Variants in MEGF10 observed in about 807,000 individuals in gnomAD.
MEGF10 encodes multiple epidermal growth factor-like domains protein 10.
MEGF10 carries 86 observed loss-of-function variants against 147.5 expected under a neutral mutation model. That is an observed-to-expected ratio of 0.58 (90% CI 0.49 to 0.70). MEGF10 has a LOEUF of 0.70. Ranked by LOEUF, MEGF10 falls within the 30% of genes least tolerant of loss-of-function variation. The pLI, the probability that MEGF10 is intolerant of heterozygous loss-of-function variation, is 0.00. For missense variants in MEGF10, 1,329 were observed against 1,487.3 expected (o/e 0.89, Z 1.75); for synonymous variants, 478 against 525.5 (o/e 0.91, Z 1.24).
chr5:127,446,432 G>T (rs796591823), intron 20 of MEGF10, among the ~76,000 whole-genome samples: 1 of 152,176 alleles, frequency 6.6e-6, no homozygotes, highest in South Asian at 2.1e-4. Flanking sequence ...TTTCAGTGCA[G>T]AATTATTGTG....
intron 4 of MEGF10, among the ~76,000 whole-genome samples, chr5:127,344,928 T>C (rs564181968): frequency 9.8e-5 from 15 of 152,310 alleles, no homozygotes; most frequent in African/African-American, 3.6e-4. Flanking sequence ...TTTTGGGAAA[T>C]TTAGCAAGGC....
intron 4 of MEGF10, among the ~76,000 whole-genome samples, chr5:127,351,737 C>T (rs1473154869): frequency 6.6e-6 from 1 of 152,210 alleles, no homozygotes; most frequent in Non-Finnish European, 1.5e-5. Context: ...TCTGCCACTC[C>T]TGTAACTTCA....
chr5:127,417,454 T>A (rs1764819358), intron 9 of MEGF10, among the ~76,000 whole-genome samples, 184 bp from the exon 10 acceptor site: 2 of 152,170 alleles, frequency 1.3e-5, no homozygotes. Context: ...CATACAACAT[T>A]CCTGTAGTAC....
At position 127,363,467 on chromosome 5, in the gene MEGF10, C is replaced by T. The variant is rs997644798; in HGVS notation, c.320-6443C>T. ...TGCAGATTCAGCCATGTCTTCACACCGGGCAGCAGGAAGGAGAAAGAGAAG... is the reference window on the plus strand; with the variant it reads ...TGCAGATTCAGCCATGTCTTCACACTGGGCAGCAGGAAGGAGAAAGAGAAG... On this transcript the variant is annotated intron_variant, in intron 4 of 24. Coordinates refer to ENST00000503335, the MANE Select transcript of MEGF10 (RefSeq NM_001256545.2). 2.0e-5 allele frequency among the ~76,000 whole-genome samples: 3 copies of T among 152,082 alleles called. 1 individual carries two copies. In the South Asian group the frequency reaches 6.2e-4, roughly 32 times the overall value.
chr5:127,382,582 A>G (rs1383126523), intron 5 of MEGF10, among the ~76,000 whole-genome samples: 1 of 152,186 alleles, frequency 6.6e-6, no homozygotes, highest in Non-Finnish European at 1.5e-5. Context: ...CATGCCTTAA[A>G]TTAGCTTTTA....
chr5:127,352,586 A>G (rs1211494705), intron 4 of MEGF10, among the ~76,000 whole-genome samples: 2 of 152,072 alleles, frequency 1.3e-5, no homozygotes, highest in African/African-American at 4.8e-5. Context: ...GCTTGAACCC[A>G]GGAGGTGGAG....
At chr5:127,315,014 TA>T (rs959627590) in intron 1 of MEGF10, among the ~76,000 whole-genome samples, 2 of 151,652 alleles carry the variant, frequency 1.3e-5, no homozygotes, top group African/African-American at 2.4e-5. Context: ...CTTTGAATCT[TA>T]AAAAAAAGGA....
chr5:127,393,802 T>A (rs1051356232), intron 5 of MEGF10, among the ~76,000 whole-genome samples: 4 of 150,972 alleles, frequency 2.6e-5, no homozygotes, highest in African/African-American at 9.8e-5. Flanking sequence ...TGATAAGATA[T>A]CTTCAAAGTT....
At chr5:127,416,190 G>A (rs568369151) in intron 9 of MEGF10, among the ~76,000 whole-genome samples, 5 of 151,938 alleles carry the variant, frequency 3.3e-5, no homozygotes, top group East Asian at 2.0e-4. Context: ...ACCACGCCCC[G>A]CTAATTTTTT....
chr5:127,456,326 T>C (rs1250629824), intron 24 of MEGF10, among the ~76,000 whole-genome samples: 1 of 152,180 alleles, frequency 6.6e-6, no homozygotes, highest in Non-Finnish European at 1.5e-5. Flanking sequence ...AATTTAAAAT[T>C]GGAGTTATTT....
chr5:127,397,919 C>A lies in MEGF10; in HGVS notation c.660-757C>A, dbSNP rs191696855. ...AAGGAGTTCATGTCCTTTGCAGGGA[C>A]ATGGATGAAACTGGAAGCCATCATT... On this transcript the variant is annotated intron_variant, in intron 6 of 24. Coordinates refer to ENST00000503335, the MANE Select transcript of MEGF10 (RefSeq NM_001256545.2). Among the ~76,000 whole-genome samples, 15 of 152,216 alleles carry A rather than the reference C, an allele frequency of 9.9e-5. No homozygotes were observed. In the East Asian group the frequency reaches 2.5e-3, roughly 26 times the overall value.
chr5:127,293,834 G>C (rs747100826), intron 1 of MEGF10, among the ~76,000 whole-genome samples: 3 of 152,168 alleles, frequency 2.0e-5, no homozygotes, highest in East Asian at 1.9e-4. Flanking sequence ...TAAAGCTGAC[G>C]TCAGATCACA....
rs1762929978 is a variant in MEGF10 at position 127,373,828 on chromosome 5, A to T, written c.412+3826A>T. ...CCTCTAAGGTGGACATAGAATGTCC[A>T]AAAAGGAAACCCCACTAAGGGTGCG... is the stretch of plus-strand genomic sequence containing the variant. On this transcript the variant is annotated intron_variant, in intron 5 of 24. Transcript: ENST00000503335. Among the ~76,000 whole-genome samples, 3 of 152,242 alleles carry T rather than the reference A, an allele frequency of 2.0e-5. No homozygotes were observed. In the East Asian group the frequency reaches 5.8e-4, roughly 29 times the overall value.
the MEGF10 span, among the ~76,000 whole-genome samples, chr5:127,238,330 A>G: frequency 6.6e-6 from 1 of 152,274 alleles, no homozygotes; most frequent in South Asian, 2.1e-4. Flanking sequence ...TTCTGGGATT[A>G]CAGGTGTGAG....
At chr5:127,406,348 A>C (rs1764323479) in intron 8 of MEGF10, among the ~76,000 whole-genome samples, 1 of 152,222 alleles carries the variant, frequency 6.6e-6, no homozygotes. Context: ...TGCTCTTGTA[A>C]CTATTGTTTT....
Position 127,457,511 on chromosome 5 carries a change from G to A in MEGF10, c.*193G>A, listed in dbSNP as rs1766410152. ...TTTTTGTTCAGGTGGATTCGAAGGA[G>A]TTAGAGATGTGATTTCCCATTGCTG... On this transcript the variant is annotated 3_prime_UTR_variant, in exon 25 of 25. Transcript: ENST00000503335. The A allele has an allele frequency of 1.7e-6, 1 of 590,474 alleles. No individual in the cohort carries two copies. The highest frequency in any genetic ancestry group is 3.3e-5 in the Admixed American group (1 of 30,494). 36.6% of individuals were successfully genotyped at this position (590,474 alleles called of 1,614,324 possible).
Position 127,459,943 on chromosome 5 carries a change from A to G in MEGF10, c.*2625A>G, listed in dbSNP as rs528519089. 1.3e-5 allele frequency: 2 copies of G among 152,344 alleles called. No homozygotes were observed. The highest frequency in any genetic ancestry group is 4.1e-4 in the South Asian group (2 of 4,826). 9.4% of individuals were successfully genotyped at this position (152,344 alleles called of 1,614,324 possible). ...TTTTGTTAGAATGAGAATTAAAGAG[A>G]AAACAAAAGAATCTTGGCAAAATTT... On this transcript the variant is annotated 3_prime_UTR_variant, in exon 25 of 25. Coordinates refer to ENST00000503335, the MANE Select transcript of MEGF10 (RefSeq NM_001256545.2).
chr5:127,338,563 CTACTT>C (rs1207241595), intron 2 of MEGF10, among the ~76,000 whole-genome samples: 1 of 152,102 alleles, frequency 6.6e-6, no homozygotes, highest in Non-Finnish European at 1.5e-5. Flanking sequence ...GGTTTAAAGA[CTACTT>C]TATAGTATTT....
intron 5 of MEGF10, among the ~76,000 whole-genome samples, chr5:127,374,377 T>C (rs1762949738): frequency 6.6e-6 from 1 of 152,214 alleles, no homozygotes; most frequent in African/African-American, 2.4e-5. Flanking sequence ...GGAGGGCACA[T>C]ACCCATTTTT....
Sources: allele counts gnomAD v4.1 joint callset (sites outside exome capture counted in the v4.1 genomes callset), GRCh38; gene constraint gnomAD v4.1.1; transcripts MANE v1.5; gene names NCBI Gene and HGNC (gene_info 2026-07-23, HGNC 2026-07-21).